The following TPO variants were observed in gnomAD, a reference collection of about 807,000 sequenced individuals.
TPO encodes the protein thyroid microsomal antigen.
A neutral mutation model predicts 96.9 loss-of-function variants in TPO; 78 were observed. The ratio of observed to expected loss-of-function variants is 0.81; its 90% CI spans 0.67 to 0.97. The LOEUF (loss-of-function observed/expected upper bound fraction) is 0.97. TPO is among the 50% of genes least tolerant of loss of function. The pLI is 0.00. For synonymous variants in TPO, 547 were observed against 538.0 expected, an observed-to-expected ratio of 1.02 and a Z score of -0.23; for missense variants, 1,252 against 1,274.8, an observed-to-expected ratio of 0.98 and a Z score of 0.27.
intron 1 of TPO, among the ~76,000 whole-genome samples, chr2:1,378,945 A>G (rs1042821252): frequency 6.6e-6 from 1 of 152,170 alleles, no homozygotes; most frequent in Non-Finnish European, 1.5e-5. Context: ...GGTGCACACC[A>G]TTGAGTGGAT....
At position 1,523,705 on chromosome 2, in the gene TPO, C is replaced by G. The variant is rs1436530517; in HGVS notation, c.2618+6723C>G. On this transcript the variant is annotated intron_variant, in intron 15 of 16. Coordinates refer to ENST00000329066, the MANE Select transcript of TPO (RefSeq NM_001206744.2). Reference sequence around the variant, plus strand: ...TGTGTGCAGCCTCCCCAAATCCCCCCCACTGTGTGCAACCTCCTCAGGTCC... The same window carrying G: ...TGTGTGCAGCCTCCCCAAATCCCCCGCACTGTGTGCAACCTCCTCAGGTCC... Among the ~76,000 whole-genome samples, 3 of 130,768 alleles carry G rather than the reference C, an allele frequency of 2.3e-5. No individual in the cohort carries two copies. In the Admixed American group the frequency reaches 2.3e-4, roughly 10 times the overall value. The allele number at this position is 130,768 out of a possible 152,430, so 85.8% of individuals were successfully genotyped here. A position where few individuals can be genotyped will look rare whatever the true frequency, so the allele number is the denominator to read the frequency against.
At chr2:1,464,099 T>G (rs1668685313) in intron 7 of TPO, among the ~76,000 whole-genome samples, 1 of 152,190 alleles carries the variant, frequency 6.6e-6, no homozygotes, top group African/African-American at 2.4e-5. Flanking sequence ...TTCTTACGCC[T>G]TTACATCCCC....
intron 1 of TPO, among the ~76,000 whole-genome samples, chr2:1,386,363 G>C (rs567750783): frequency 6.6e-6 from 1 of 152,068 alleles, no homozygotes; most frequent in Non-Finnish European, 1.5e-5. Context: ...CTCTTTGTAG[G>C]TCTCTAAGGA....
chr2:1,522,183 G>C (rs1266418753), intron 15 of TPO, among the ~76,000 whole-genome samples: 4 of 109,636 alleles, frequency 3.6e-5, no homozygotes, highest in East Asian at 5.9e-4. Flanking sequence ...ACCATGCCCT[G>C]GCAGTCTCTC....
Position 1,400,942 on chromosome 2 carries a change from A to G in TPO, n.180+26540A>G, listed in dbSNP as rs78418559. ...AAATCCAGCAATACAAGTAAAAAGG[A>G]CATTCCTTTTCCAAGCCTTCCTCGT... is the stretch of plus-strand genomic sequence containing the variant. On this transcript the variant is annotated intron_variant and non_coding_transcript_variant, in intron 1 of 5. Coordinates refer to the TPO transcript ENST00000497517. Among the ~76,000 whole-genome samples, 438 of 152,342 alleles carry G rather than the reference A, an allele frequency of 2.9e-3. 2 individuals are homozygous for G. Among genetic ancestry groups the G allele is most frequent in the Non-Finnish European group, 5.4e-3 (367 of 68,030 alleles).
intron 1 of TPO, among the ~76,000 whole-genome samples, chr2:1,380,166 G>A (rs889240614): frequency 6.6e-6 from 1 of 152,050 alleles, no homozygotes; most frequent in Non-Finnish European, 1.5e-5. Context: ...AGGCCGAGGT[G>A]GGCGGATCAT....
At chr2:1,528,846 C>T (rs2125196029) in intron 15 of TPO, among the ~76,000 whole-genome samples, 1 of 146,516 alleles carries the variant, frequency 6.8e-6, no homozygotes, top group South Asian at 2.2e-4. Context: ...TGTGTGCAAC[C>T]TCCTCAAATC....
At chr2:1,406,907 G>A (rs1662257428) in intron 1 of TPO, among the ~76,000 whole-genome samples, 1 of 152,196 alleles carries the variant, frequency 6.6e-6, no homozygotes, top group South Asian at 2.1e-4. Flanking sequence ...TCAGCCTGGA[G>A]GGAACATGAG....
At chr2:1,423,179 C>T (rs1187907477) in intron 3 of TPO, 50 bp downstream of exon 3, 62 of 1,562,444 alleles carry the variant, frequency 4.0e-5, no homozygotes, top group Non-Finnish European at 5.2e-5. Flanking sequence ...ACAGGCGCAT[C>T]CTCCCTGACA....
chr2:1,479,718 C>CGGCTGT (rs1670350047), intron 8 of TPO, among the ~76,000 whole-genome samples: 1 of 152,140 alleles, frequency 6.6e-6, no homozygotes, highest in Non-Finnish European at 1.5e-5. Context: ...TTGGTTGCTG[C>CGGCTGT]GGCTGTGGCT....
intron 2 of TPO, among the ~76,000 whole-genome samples, chr2:1,419,715 G>C (rs28909995): frequency 5.5e-4 from 83 of 152,286 alleles, no homozygotes; most frequent in African/African-American, 1.7e-3. Context: ...TGGTCTTGCA[G>C]CTTCTTGGAA....
chr2:1,478,444 C>A, intron 8 of TPO: 1 of 973,844 alleles, frequency 1.0e-6, no homozygotes, highest in Non-Finnish European at 1.2e-6. Context: ...GGCACTGGAG[C>A]CTTGTCCGAG....
At chr2:1,522,560 GC>G (rs1480550932) in intron 15 of TPO, among the ~76,000 whole-genome samples, 1 of 151,552 alleles carries the variant, frequency 6.6e-6, no homozygotes, top group African/African-American at 2.4e-5. Flanking sequence ...CCTCACACAG[GC>G]CCTGCCACCG....
chr2:1,480,718 T>TG (rs1670489016), intron 8 of TPO, among the ~76,000 whole-genome samples: 2 of 117,180 alleles, frequency 1.7e-5, no homozygotes, highest in South Asian at 2.7e-4. Context: ...CCCTCCTCCT[T>TG]CATCCGTCCA....
chr2:1,537,873 C>G (rs1449133134), intron 15 of TPO, among the ~76,000 whole-genome samples: 10 of 117,462 alleles, frequency 8.5e-5, no homozygotes, highest in African/African-American at 3.0e-4. Flanking sequence ...ATCCCCCCCA[C>G]TGTGTGCAAC....
At chr2:1,453,597 A>T in intron 5 of TPO, 97 bp from the exon 6 acceptor site, 1 of 1,598,536 alleles carries the variant, frequency 6.3e-7, no homozygotes, top group Non-Finnish European at 8.6e-7. Context: ...GAGAGACCCC[A>T]CTTATTCTCC....
intron 1 of TPO, among the ~76,000 whole-genome samples, chr2:1,389,015 T>C (rs1263338930): frequency 6.6e-6 from 1 of 152,126 alleles, no homozygotes; most frequent in Non-Finnish European, 1.5e-5. Flanking sequence ...AATTAAGAAG[T>C]TTTTTTGTGT....
At chr2:1,388,175 G>A (rs1301758932) in intron 1 of TPO, among the ~76,000 whole-genome samples, 3 of 152,240 alleles carry the variant, frequency 2.0e-5, no homozygotes, top group Admixed American at 6.5e-5. Context: ...TCTTGAGGAG[G>A]CAGTCTGTCC....
At position 1,415,326 on chromosome 2, in the gene TPO, A is replaced by G. The variant is rs564213859; in HGVS notation, c.94+824A>G. 5.2e-3 allele frequency among the ~76,000 whole-genome samples: 709 copies of G among 136,242 alleles called. 1 individual carries two copies. The highest frequency in any genetic ancestry group is 0.017 in the African/African-American group (609 of 35,632). 89.4% of individuals were successfully genotyped at this position (136,242 alleles called of 152,430 possible). On this transcript the variant is annotated intron_variant, in intron 2 of 16. Coordinates refer to ENST00000329066, the MANE Select transcript of TPO (RefSeq NM_001206744.2). ...TGGGCAGGTCCCTGGGCCTCTGCACACAGTCCCGGGGCCCCTGGAGCAGGT... is the reference window on the plus strand; with the variant it reads ...TGGGCAGGTCCCTGGGCCTCTGCACGCAGTCCCGGGGCCCCTGGAGCAGGT...
Sources: allele counts gnomAD v4.1 joint callset (sites outside exome capture counted in the v4.1 genomes callset), GRCh38; gene constraint gnomAD v4.1.1; transcripts MANE v1.5; gene names NCBI Gene and HGNC (gene_info 2026-07-23, HGNC 2026-07-21).